RAB27B: variants seen among roughly 807,000 people sequenced by gnomAD.
RAB27B encodes the protein RAB27B, member RAS oncogene family.
In RAB27B, 15 loss-of-function variants were observed where a neutral mutation model predicts 24.6. That is an observed-to-expected ratio of 0.61 (90% CI 0.41 to 0.94). The LOEUF (loss-of-function observed/expected upper bound fraction) is 0.94. RAB27B is among the 40% of genes least tolerant of loss of function. RAB27B has a pLI of 0.00. For synonymous variants in RAB27B, 105 were observed against 92.5 expected (o/e 1.14, Z -0.78); for missense variants, 261 against 266.8 (o/e 0.98, Z 0.15).
At chr18:54,852,497 C>T (rs1165077756) in intron 1 of RAB27B, among the ~76,000 whole-genome samples, 1 of 152,216 alleles carries the variant, frequency 6.6e-6, no homozygotes, top group Non-Finnish European at 1.5e-5. Context: ...TGTTTCTCAG[C>T]AGATGCTTAT....
chr18:54,773,817 G>A (rs377050407), intron 2 of RAB27B, among the ~76,000 whole-genome samples: 1 of 151,978 alleles, frequency 6.6e-6, no homozygotes, highest in African/African-American at 2.4e-5. Context: ...TGGGATTACA[G>A]GCACCTGCCA....
upstream of RAB27B, among the ~76,000 whole-genome samples, chr18:54,827,475 A>G (rs1479448040): frequency 1.3e-5 from 2 of 152,152 alleles, no homozygotes; most frequent in Admixed American, 1.3e-4. Context: ...GTTTTCTCTA[A>G]TATTCCATTT....
intron 2 of RAB27B, among the ~76,000 whole-genome samples, chr18:54,741,729 TG>T (rs750328771): frequency 1.0e-3 from 153 of 152,236 alleles, no homozygotes; most frequent in Admixed American, 1.7e-3. Flanking sequence ...TCTTGAACTC[TG>T]GGCTCAAGCA....
chr18:54,879,491 CT>C (rs1282967029), intron 3 of RAB27B, 37 bp downstream of exon 3: 1 of 1,483,358 alleles, frequency 6.7e-7, no homozygotes, highest in African/African-American at 1.4e-5. Context: ...CTACACATAG[CT>C]TAGAAAAACT....
At chr18:54,838,606 T>C (rs1910986710) in intron 1 of RAB27B, among the ~76,000 whole-genome samples, 1 of 152,184 alleles carries the variant, frequency 6.6e-6, no homozygotes, top group Non-Finnish European at 1.5e-5. Flanking sequence ...TTGTTATGGA[T>C]CCATCATTTG....
intron 2 of RAB27B, among the ~76,000 whole-genome samples, chr18:54,788,585 G>A (rs1356602958): frequency 5.9e-5 from 9 of 152,186 alleles, no homozygotes; most frequent in African/African-American, 1.7e-4. Flanking sequence ...TTACAGGCAT[G>A]AGCCACTGCA....
intron 2 of RAB27B, among the ~76,000 whole-genome samples, chr18:54,731,150 A>C (rs1174679967): frequency 3.3e-5 from 5 of 152,216 alleles, no homozygotes; most frequent in Admixed American, 2.6e-4. Flanking sequence ...TAGGGAAATA[A>C]ATTTTAAAGC....
intron 2 of RAB27B, among the ~76,000 whole-genome samples, chr18:54,805,066 G>A (rs561088018): frequency 1.3e-5 from 2 of 151,140 alleles, no homozygotes; most frequent in African/African-American, 4.9e-5. Context: ...AGCTGACAGG[G>A]AGGTTTCTGG....
intron 2 of RAB27B, among the ~76,000 whole-genome samples, chr18:54,726,082 C>T (rs1022569619): frequency 4.6e-5 from 7 of 151,424 alleles, no homozygotes; most frequent in African/African-American, 1.5e-4. Flanking sequence ...ATGAAACAGA[C>T]TGTATTTTTA....
chr18:54,884,439 A>G lies in RAB27B; in HGVS notation c.343+3A>G. The G allele has an allele frequency of 6.3e-7, 1 of 1,590,724 alleles. No individual in the cohort carries two copies. Among genetic ancestry groups the G allele is most frequent in the South Asian group, 1.1e-5 (1 of 90,488 alleles). On this transcript the variant is annotated splice_donor_region_variant and intron_variant, in intron 4 of 5. Coordinates refer to ENST00000262094, the MANE Select transcript of RAB27B (RefSeq NM_004163.4). ...CTTAAATGTCAGAAACTGGATGAGTAAGTGGGACTGAGTAATGTGCATTGG... is the reference window on the plus strand; with the variant it reads ...CTTAAATGTCAGAAACTGGATGAGTGAGTGGGACTGAGTAATGTGCATTGG...
chr18:54,819,549 A>AG (rs1491440666), intron 2 of RAB27B, among the ~76,000 whole-genome samples: 1 of 142,686 alleles, frequency 7.0e-6, no homozygotes, highest in Non-Finnish European at 1.5e-5. Context: ...AAAAAAAAAG[A>AG]AAAAAAAAAG....
In RAB27B at chr18:54,877,621, C is replaced by A; in HGVS notation, c.36C>A (p.Leu12=). 6.3e-7 allele frequency: 1 copy of A among 1,591,110 alleles called. No homozygotes were observed. ...GAGACTATGATTATCTGATCAAACTCCTGGCCCTCGGGGATTCAGGGGTGG... is the reference window on the plus strand; with the variant it reads ...GAGACTATGATTATCTGATCAAACTACTGGCCCTCGGGGATTCAGGGGTGG... The part of the protein sequence containing the change: ...TDGDYDYLIK[L]LALGDSGVGK... Residue 12 remains leucine, a synonymous_variant, in exon 2 of 6, where the codon CTC becomes CTA. Coordinates refer to ENST00000262094, the MANE Select transcript of RAB27B (RefSeq NM_004163.4).
At chr18:54,759,048 T>C (rs923339012) in intron 2 of RAB27B, among the ~76,000 whole-genome samples, 1 of 152,222 alleles carries the variant, frequency 6.6e-6, no homozygotes, top group African/African-American at 2.4e-5. Context: ...AAGTTTTGTA[T>C]TCTATCAGTG....
intron 2 of RAB27B, among the ~76,000 whole-genome samples, chr18:54,814,342 A>C (rs1322013776): frequency 1.3e-5 from 2 of 152,236 alleles, no homozygotes; most frequent in Non-Finnish European, 2.9e-5. Flanking sequence ...AAAACCCTAC[A>C]TAAATTAGTA....
chr18:54,807,003 A>C (rs1456886010), intron 2 of RAB27B, among the ~76,000 whole-genome samples: 2 of 152,020 alleles, frequency 1.3e-5, no homozygotes, highest in East Asian at 3.9e-4. Context: ...AGAACTCAAG[A>C]GGTTCTCTTG....
chr18:54,877,547 G>T lies in RAB27B; in HGVS notation c.-19-20G>T. The T allele has an allele frequency of 7.4e-7, 1 of 1,350,078 alleles. No homozygotes were observed. Among genetic ancestry groups the T allele is most frequent in the Non-Finnish European group, 9.7e-7 (1 of 1,035,716 alleles). The allele number at this position is 1,350,078 out of a possible 1,614,324, so 83.6% of individuals were successfully genotyped here. ...AATCAACTTTAATCAAAACATACTT[G>T]TTTTCCCTCTCCTATACAGACCGAC... On this transcript the variant is annotated intron_variant, in intron 1 of 5. Coordinates refer to ENST00000262094, the MANE Select transcript of RAB27B (RefSeq NM_004163.4).
intron 1 of RAB27B, among the ~76,000 whole-genome samples, chr18:54,846,520 G>A (rs1464363091): frequency 6.6e-6 from 1 of 152,102 alleles, no homozygotes; most frequent in African/African-American, 2.4e-5. Flanking sequence ...ATACGTAAAA[G>A]AAGAATAAAA....
chr18:54,888,034 T>G lies in RAB27B; in HGVS notation c.383T>G (p.Ile128Arg). The G allele has an allele frequency of 6.2e-7, 1 of 1,612,850 alleles. No homozygotes were observed. The highest frequency in any genetic ancestry group is 8.5e-7 in the Non-Finnish European group (1 of 1,179,214). The change falls in exon 5 of 6, where the codon ATA becomes AGA. Residue 128 changes from isoleucine (I) to arginine (R), a missense_variant. Transcript: ENST00000262094. ...AATGCTTATTGTGAAAATCCAGATA[T>G]AGTATTAATTGGCAACAAGGCAGAC... ...QANAYCENPDIVLIGNKADLP... is the reference protein window; with the variant it reads ...QANAYCENPDRVLIGNKADLP...
At chr18:54,831,631 C>A (rs560165786) in intron 1 of RAB27B, among the ~76,000 whole-genome samples, 8 of 151,908 alleles carry the variant, frequency 5.3e-5, no homozygotes, top group African/African-American at 1.7e-4. Context: ...TGGAAAGAGA[C>A]GGATAAGTAA....
Sources: allele counts gnomAD v4.1 joint callset (sites outside exome capture counted in the v4.1 genomes callset), GRCh38; gene constraint gnomAD v4.1.1; transcripts MANE v1.5; gene names NCBI Gene and HGNC (gene_info 2026-07-23, HGNC 2026-07-21).